The following FOCAD variants were observed in gnomAD, a reference collection of about 807,000 sequenced individuals.
FOCAD encodes the protein KIAA1797.
In FOCAD, 198 loss-of-function variants were observed where a neutral mutation model predicts 225.6. The ratio of observed to expected loss-of-function variants is 0.88; its 90% confidence interval spans 0.78 to 0.99. FOCAD has a LOEUF of 0.99. FOCAD is among the 50% of genes least tolerant of loss of function. FOCAD has a pLI of 0.00. For synonymous variants in FOCAD, 897 were observed against 755.0 expected (o/e 1.19, Z -3.08); for missense variants, 2,713 against 2,123.6 (o/e 1.28, Z -5.46).
chr9:20,797,375 A>G (rs1022777199), intron 11 of FOCAD, among the ~76,000 whole-genome samples: 3 of 152,262 alleles, frequency 2.0e-5, no homozygotes, highest in East Asian at 3.9e-4. Flanking sequence ...TAGCTTGATG[A>G]GGATGGCATT....
chr9:20,735,721 C>G (rs1190364954), intron 4 of FOCAD, among the ~76,000 whole-genome samples: 1 of 147,774 alleles, frequency 6.8e-6, no homozygotes, highest in Non-Finnish European at 1.5e-5. Flanking sequence ...CGGGATCTCT[C>G]TATATTGCTC....
At chr9:20,902,382 C>T (rs1391428771) in intron 21 of FOCAD, among the ~76,000 whole-genome samples, 1 of 151,812 alleles carries the variant, frequency 6.6e-6, no homozygotes, top group African/African-American at 2.4e-5. Context: ...GGAATCGGTT[C>T]GTAATTTGAT....
intron 20 of FOCAD, among the ~76,000 whole-genome samples, chr9:20,883,242 T>C (rs2891154): frequency 0.2 from 30,576 of 152,130 alleles, 3,742 homozygotes; most frequent in South Asian, 0.33. Flanking sequence ...TGAAATAACA[T>C]ACTTTCAAAA....
intron 25 of FOCAD, among the ~76,000 whole-genome samples, chr9:20,924,763 A>G (rs990977805): frequency 2.0e-5 from 3 of 152,230 alleles, no homozygotes; most frequent in African/African-American, 7.2e-5. Flanking sequence ...GCAAAGCTTA[A>G]AAACTGTATT....
intron 4 of FOCAD, among the ~76,000 whole-genome samples, chr9:20,724,476 C>G (rs1395160007): frequency 1.3e-5 from 2 of 152,052 alleles, no homozygotes; most frequent in Admixed American, 1.3e-4. Flanking sequence ...GATTTCTTAT[C>G]TGAGAATGTT....
chr9:20,981,435 A>G lies in FOCAD; in HGVS notation c.4387A>G (p.Lys1463Glu), dbSNP rs753329767. 10 of 1,613,932 alleles carry G rather than the reference A, an allele frequency of 6.2e-6. No homozygotes were observed. The African/African-American group carries it at 1.3e-4, about 22-fold the overall frequency. Reference sequence around the variant, plus strand: ...TCTGTTTTACTTCCAGCTGAATACCAAGAGATATCTCCTGATATCTGCACC... The same window carrying G: ...TCTGTTTTACTTCCAGCTGAATACCGAGAGATATCTCCTGATATCTGCACC... ...PLIHSLSLNT[K>E]RYLLISAPLW... The change falls in exon 38 of 44, where the codon AAG becomes GAG. Residue 1463 changes from lysine to glutamate, a missense_variant. Transcript: ENST00000338382.
intron 28 of FOCAD, among the ~76,000 whole-genome samples, chr9:20,938,573 C>CTGA (rs370955877): frequency 0.17 from 23,815 of 141,604 alleles, 1,912 homozygotes; most frequent in East Asian, 0.21. Flanking sequence ...ACACGGGGGC[C>CTGA]TGTTGTGGGG....
In FOCAD at chr9:20,671,497, T is replaced by C. The variant is rs1479769126; in HGVS notation, c.-78+12671T>C. On this transcript the variant is annotated intron_variant, in intron 2 of 45. Coordinates refer to the FOCAD transcript ENST00000380249. ...TGAGCAGCCAGATTCAAATGTGCAC[T>C]ACAGGAGAGCAGAATATCTGTGTGT... Among the ~76,000 whole-genome samples the C allele has an allele frequency of 3.3e-5, 5 of 152,272 alleles. No homozygotes were observed. In the East Asian group the frequency reaches 9.7e-4, roughly 29 times the overall value.
intron 43 of FOCAD, 70 bp downstream of exon 43, chr9:20,993,398 A>G: frequency 1.5e-6 from 2 of 1,298,016 alleles, no homozygotes; most frequent in East Asian, 4.7e-5. Flanking sequence ...GCAGAATGGC[A>G]TTCTAGTGGT....
At chr9:20,841,549 G>A (rs1348046786) in intron 15 of FOCAD, among the ~76,000 whole-genome samples, 2 of 151,816 alleles carry the variant, frequency 1.3e-5, no homozygotes, top group East Asian at 3.9e-4. Context: ...TTGTCATATA[G>A]TTGCTCATTG....
intron 4 of FOCAD, among the ~76,000 whole-genome samples, chr9:20,733,538 G>T (rs1026811177): frequency 9.2e-5 from 14 of 151,998 alleles, no homozygotes; most frequent in African/African-American, 3.1e-4. Context: ...CCCAGATTGT[G>T]ATGTTCCCCT....
intron 4 of FOCAD, among the ~76,000 whole-genome samples, chr9:20,723,441 C>T (rs1161479028): frequency 6.6e-6 from 1 of 152,214 alleles, no homozygotes; most frequent in African/African-American, 2.4e-5. Context: ...CGAGCTGAAG[C>T]TGAAATTGCA....
intron 10 of FOCAD, among the ~76,000 whole-genome samples, chr9:20,782,620 G>A (rs1054259667): frequency 6.6e-6 from 1 of 152,074 alleles, no homozygotes; most frequent in African/African-American, 2.4e-5. Context: ...TTTGAGTTTT[G>A]CCTTTATCAA....
chr9:20,810,715 T>C (rs987348811), intron 11 of FOCAD, among the ~76,000 whole-genome samples: 1 of 152,058 alleles, frequency 6.6e-6, no homozygotes, highest in Non-Finnish European at 1.5e-5. Flanking sequence ...AATAAATAAG[T>C]TTTCTGACTC....
chr9:20,889,941 A>G (rs1002991141), intron 21 of FOCAD, among the ~76,000 whole-genome samples: 12 of 152,126 alleles, frequency 7.9e-5, no homozygotes, highest in Non-Finnish European at 1.3e-4. Context: ...GTTCGTAAGT[A>G]TTACATATCC....
intron 1 of FOCAD, among the ~76,000 whole-genome samples, chr9:20,697,781 C>G (rs1823495286): frequency 6.6e-6 from 1 of 152,228 alleles, no homozygotes; most frequent in African/African-American, 2.4e-5. Flanking sequence ...GCCCTCTAGA[C>G]TGAAGCTAAC....
At chr9:20,935,843 A>G (rs1257493405) in intron 28 of FOCAD, among the ~76,000 whole-genome samples, 1 of 152,240 alleles carries the variant, frequency 6.6e-6, no homozygotes, top group Non-Finnish European at 1.5e-5. Context: ...GGGATTACCA[A>G]CCTGCTTAGC....
At chr9:20,735,692 GT>G (rs111699762) in intron 4 of FOCAD, among the ~76,000 whole-genome samples, 191 of 141,258 alleles carry the variant, frequency 1.4e-3, no homozygotes, top group African/African-American at 2.1e-3. Flanking sequence ...ATTTTTTAAG[GT>G]TTTTTTTTTT....
chr9:20,949,955 GC>G (rs1207056599), intron 33 of FOCAD, among the ~76,000 whole-genome samples: 1 of 152,054 alleles, frequency 6.6e-6, no homozygotes, highest in African/African-American at 2.4e-5. Flanking sequence ...GGAATGTCAG[GC>G]CCTAAAGATA....
Sources: gnomAD v4.1 joint callset for allele counts (sites outside exome capture counted in the v4.1 genomes callset) on GRCh38, gnomAD v4.1.1 for gene constraint, MANE v1.5 for transcripts, NCBI Gene and HGNC (gene_info 2026-07-23, HGNC 2026-07-21) for gene names.